The following PIGN variants were observed in gnomAD, a reference collection of about 807,000 sequenced individuals.
The protein encoded by PIGN is GPI ethanolamine phosphate transferase 1.
PIGN carries 117 observed loss-of-function variants against 125.4 expected under a neutral mutation model. The observed-to-expected ratio is 0.93, with a 90% CI of 0.80 to 1.09. The LOEUF is 1.09. PIGN is among the 50% of genes least tolerant of loss of function. PIGN has a pLI of 0.00. For missense variants in PIGN, 1,075 were observed against 1,094.9 expected, an observed-to-expected ratio of 0.98 and a Z score of 0.26; for synonymous variants, 392 against 377.8, an observed-to-expected ratio of 1.04 and a Z score of -0.44.
intron 23 of PIGN, among the ~76,000 whole-genome samples, chr18:62,035,253 T>C (rs1442996177): frequency 6.6e-6 from 1 of 152,190 alleles, no homozygotes; most frequent in Non-Finnish European, 1.5e-5. Context: ...GTCTTGGGTA[T>C]GTCTTTATTA....
At chr18:62,140,561 A>AAAATAACC in intron 11 of PIGN, 82 bp from the exon 12 acceptor site, 1 of 690,670 alleles carries the variant, frequency 1.4e-6, no homozygotes, top group Non-Finnish European at 2.5e-6. Flanking sequence ...CATATTTTGG[A>AAAATAACC]AAATAACCAT....
At chr18:62,171,912 T>C (rs2037357664) in intron 1 of PIGN, among the ~76,000 whole-genome samples, 1 of 152,188 alleles carries the variant, frequency 6.6e-6, no homozygotes, top group Non-Finnish European at 1.5e-5. Flanking sequence ...ATGAAAGATA[T>C]AAGACTATAA....
chr18:62,064,961 G>A (rs2032417240), intron 30 of PIGN, among the ~76,000 whole-genome samples: 1 of 152,126 alleles, frequency 6.6e-6, no homozygotes, highest in Admixed American at 6.5e-5. Context: ...GAAAAATGGT[G>A]AGTCTTTAAA....
intron 1 of PIGN, among the ~76,000 whole-genome samples, chr18:62,171,199 T>C (rs1280211769): frequency 6.6e-6 from 1 of 152,228 alleles, no homozygotes; most frequent in African/African-American, 2.4e-5. Flanking sequence ...TTCAAATTAA[T>C]AGGTCTTGTA....
At chr18:62,090,692 T>C in intron 23 of PIGN, 114 bp from the exon 24 acceptor site, 3 of 594,634 alleles carry the variant, frequency 5.0e-6, no homozygotes, top group East Asian at 3.0e-5. Context: ...TACTTCTAAG[T>C]CACAATATTA....
At chr18:62,119,956 G>A (rs2077482925) in intron 14 of PIGN, among the ~76,000 whole-genome samples, 1 of 152,102 alleles carries the variant, frequency 6.6e-6, no homozygotes, top group African/African-American at 2.4e-5. Context: ...GAAATAGAAT[G>A]CGAGTCATGA....
rs1324959241 is a variant in PIGN, at chr18:62,162,282, G to T, written c.-62C>A. 1.3e-5 allele frequency: 2 copies of T among 152,058 alleles called. No individual in the cohort carries two copies. The highest frequency in any genetic ancestry group is 3.8e-4 in the East Asian group (2 of 5,204). The allele number at this position is 152,058 out of a possible 1,614,324, so 9.4% of individuals were successfully genotyped here. On this transcript the variant is annotated 5_prime_UTR_variant, in exon 3 of 31. Coordinates refer to ENST00000640252, the MANE Select transcript of PIGN (RefSeq NM_176787.5). ...AAATTGCCAAGATCAAACGGAACAT[G>T]GGAGTACTTTCCAAGCCAGTGTGTA...
At chr18:62,101,207 T>TA in intron 21 of PIGN, 24 bp from the exon 22 acceptor site, 1 of 1,336,100 alleles carries the variant, frequency 7.5e-7, no homozygotes, top group Admixed American at 1.8e-5. Context: ...TGAAATAGGT[T>TA]AAAAAAAGAG....
chr18:62,133,350 G>A (rs181721055), intron 14 of PIGN, among the ~76,000 whole-genome samples: 33 of 152,120 alleles, frequency 2.2e-4, no homozygotes, highest in Admixed American at 2.1e-3. Context: ...AAATCTATAT[G>A]TTTGGCCTGC....
At chr18:62,140,050 A>T (rs2036078698) in intron 12 of PIGN, among the ~76,000 whole-genome samples, 1 of 152,226 alleles carries the variant, frequency 6.6e-6, no homozygotes, top group Non-Finnish European at 1.5e-5. Context: ...TAAATCATAC[A>T]CATTTTAGAA....
chr18:62,029,967 T>TCCAGGGGATGGATTGCAGAGAAGAC (rs1447663719), intron 23 of PIGN, among the ~76,000 whole-genome samples: 4 of 152,060 alleles, frequency 2.6e-5, no homozygotes, highest in African/African-American at 9.7e-5. Flanking sequence ...GCAGAGAAGA[T>TCCAGGGGATGGATTGCAGAGAAGAC]CCAGGGGATG....
rs2032872237 is a variant in PIGN, at chr18:62,071,863, C to CATATATATATATATATATGTATAT, written c.2672+809_2672+810insATATACATATATATATATATATAT. On this transcript the variant is annotated intron_variant, in intron 30 of 30. Coordinates refer to ENST00000640252, the MANE Select transcript of PIGN (RefSeq NM_176787.5). ...CGTTTTTTAGACTGTACTCCTTTTC[C>CATATATATATATATATATGTATAT]ATATATATATATATATATATATATA... Among the ~76,000 whole-genome samples, 10 of 77,606 alleles carry CATATATATATATATATATGTATAT rather than the reference C, an allele frequency of 1.3e-4. 1 individual carries two copies. The highest frequency in any genetic ancestry group is 4.6e-4 in the African/African-American group (10 of 21,906). The allele number at this position is 77,606 out of a possible 152,430, so 50.9% of individuals were successfully genotyped here. A position where few individuals can be genotyped will look rare whatever the true frequency, so the allele number is the denominator to read the frequency against.
chr18:62,090,962 G>A (rs370509467), intron 23 of PIGN, among the ~76,000 whole-genome samples: 108 of 152,142 alleles, frequency 7.1e-4, no homozygotes, highest in Middle Eastern at 3.4e-3. Context: ...AAAAATGGGC[G>A]CAACAAGAAC....
In PIGN at chr18:62,072,729, T is replaced by TAAA. The variant is rs11437076; in HGVS notation, c.2620-7_2620-5dup. 3.0e-3 allele frequency: 4,229 copies of TAAA among 1,422,304 alleles called. 1 individual carries two copies. The highest frequency in any genetic ancestry group is 4.4e-3 in the Middle Eastern group (23 of 5,262). The allele number at this position is 1,422,304 out of a possible 1,614,324, so 88.1% of individuals were successfully genotyped here. A position where few individuals can be genotyped will look rare whatever the true frequency, so the allele number is the denominator to read the frequency against. ...CCTTGACCAAGAAGAAAAAATGCTG[T>TAAA]AAAAAAAAAAAAAGGCTTAATGAAA... On this transcript the variant is annotated splice_polypyrimidine_tract_variant and splice_region_variant and intron_variant, in intron 29 of 30. Transcript: ENST00000640252.
In PIGN at chr18:62,118,872, T is replaced by C. The variant is rs2035187059; in HGVS notation, c.1173-4233A>G. ...TAAAGAAAGAAAGGCCAAGTCTTGATGAGAAAAGAGGTGAAAAAAAAAAAA... is the reference window on the plus strand; with the variant it reads ...TAAAGAAAGAAAGGCCAAGTCTTGACGAGAAAAGAGGTGAAAAAAAAAAAA... On this transcript the variant is annotated intron_variant, in intron 14 of 30. Coordinates refer to ENST00000640252, the MANE Select transcript of PIGN (RefSeq NM_176787.5). Among the ~76,000 whole-genome samples, 7 of 145,568 alleles carry C rather than the reference T, an allele frequency of 4.8e-5. No homozygotes were observed. In the South Asian group the frequency reaches 1.5e-3, roughly 32 times the overall value.
intron 30 of PIGN, among the ~76,000 whole-genome samples, chr18:62,064,353 T>G (rs144461169): frequency 6.6e-6 from 1 of 152,328 alleles, no homozygotes; most frequent in East Asian, 1.9e-4. Context: ...TCCTTATGCT[T>G]AAGTTCCTGA....
chr18:62,126,021 T>C (rs541133821), intron 14 of PIGN, among the ~76,000 whole-genome samples: 59 of 152,064 alleles, frequency 3.9e-4, no homozygotes, highest in Admixed American at 3.7e-3. Flanking sequence ...AGTAACCCAA[T>C]TGTATAACAG....
intron 3 of PIGN, among the ~76,000 whole-genome samples, chr18:62,161,948 G>A (rs2036968456): frequency 1.3e-5 from 2 of 151,834 alleles, no homozygotes; most frequent in Admixed American, 1.3e-4. Context: ...ATATTGAGCA[G>A]GAAACATGTA....
intron 7 of PIGN, among the ~76,000 whole-genome samples, 181 bp from the exon 8 acceptor site, chr18:62,148,519 A>G (rs1272636661): frequency 6.6e-6 from 1 of 152,128 alleles, no homozygotes; most frequent in African/African-American, 2.4e-5. Context: ...CTATGTTCAA[A>G]TAATGAGTTA....
Sources: gnomAD v4.1 joint callset for allele counts (sites outside exome capture counted in the v4.1 genomes callset) on GRCh38, gnomAD v4.1.1 for gene constraint, MANE v1.5 for transcripts, NCBI Gene and HGNC (gene_info 2026-07-23, HGNC 2026-07-21) for gene names.